Variants in IL1R1 observed in about 807,000 individuals in gnomAD.
The protein encoded by IL1R1 is interleukin 1 receptor type 1, also known as interleukin-1 receptor type 1.
IL1R1 carries 22 observed loss-of-function variants against 50.2 expected under a neutral mutation model. The observed-to-expected ratio is 0.44, with a 90% CI of 0.31 to 0.63. The LOEUF is 0.63. Among genes scored for constraint, IL1R1 ranks in the 20% least tolerant of loss-of-function variants. The probability of loss-of-function intolerance (pLI) is 0.07; values close to 1 mark genes in which losing one functional copy is unlikely to be tolerated. For synonymous variants in IL1R1, 251 were observed against 236.7 expected, an observed-to-expected ratio of 1.06 and a Z score of -0.55; for missense variants, 509 against 676.2, an observed-to-expected ratio of 0.75 and a Z score of 2.74.
rs1402592940 is a variant in IL1R1, at chr2:102,160,582, A to G, written c.61+2797A>G. 2.6e-5 allele frequency among the ~76,000 whole-genome samples: 4 copies of G among 152,124 alleles called. No homozygotes were observed. The East Asian group carries it at 7.7e-4, about 29-fold the overall frequency. ...CCCTTCATGTGAGACTGCTTGACCC[A>G]AGATGGTACCCCACTCACCTCCTTA... On this transcript the variant is annotated intron_variant, in intron 3 of 11. Transcript: ENST00000410023.
intron 1 of IL1R1, among the ~76,000 whole-genome samples, chr2:102,099,354 G>A (rs891334898): frequency 6.6e-6 from 1 of 152,186 alleles, no homozygotes; most frequent in Admixed American, 6.5e-5. Context: ...GCCTTTGTTT[G>A]AGTTCTTCCA....
chr2:102,169,460 T>C (rs1685484188), intron 7 of IL1R1, among the ~76,000 whole-genome samples: 2 of 152,214 alleles, frequency 1.3e-5, no homozygotes, highest in Non-Finnish European at 2.9e-5. Flanking sequence ...ATGTGACAAG[T>C]GACTACTGTA....
At chr2:102,103,990 GAAA>G (rs72041212), upstream of IL1R1, among the ~76,000 whole-genome samples, 597 of 83,946 alleles carry the variant, frequency 7.1e-3, 4 homozygotes, top group African/African-American at 0.027. Flanking sequence ...GACTGTCTCA[GAAA>G]AAAAAAAAAA....
At chr2:102,097,640 T>C (rs1679962851) in intron 1 of IL1R1, among the ~76,000 whole-genome samples, 1 of 151,540 alleles carries the variant, frequency 6.6e-6, no homozygotes, top group South Asian at 2.1e-4. Context: ...AAATTTTAGA[T>C]AAAAAAACAA....
At chr2:102,117,071 G>C (rs1468731960) in intron 1 of IL1R1, among the ~76,000 whole-genome samples, 1 of 152,120 alleles carries the variant, frequency 6.6e-6, no homozygotes, top group African/African-American at 2.4e-5. Flanking sequence ...TTGACGTCTT[G>C]GTTTTAAATA....
upstream of IL1R1, among the ~76,000 whole-genome samples, chr2:102,138,809 TA>T (rs1390580939): frequency 6.6e-6 from 1 of 152,170 alleles, no homozygotes; most frequent in East Asian, 1.9e-4. Flanking sequence ...GGCAGTGCCA[TA>T]AATAACAAAA....
chr2:102,159,655 CTGTGGAGCTCTTGG>C, intron 3 of IL1R1, among the ~76,000 whole-genome samples: 1 of 152,272 alleles, frequency 6.6e-6, no homozygotes, highest in Admixed American at 6.5e-5. Context: ...AGTGCTTTTG[CTGTGGAGCTCTTGG>C]TGAGGTCAAT....
At chr2:102,117,014 T>G (rs895716859) in intron 1 of IL1R1, among the ~76,000 whole-genome samples, 1 of 152,224 alleles carries the variant, frequency 6.6e-6, no homozygotes, top group African/African-American at 2.4e-5. Context: ...AAGGTAACAC[T>G]TAATGACATG....
rs570342386 is a variant in IL1R1 at position 102,071,392 on chromosome 2, T to C, written c.-84+859T>C. On this transcript the variant is annotated intron_variant, in intron 1 of 11. Transcript: ENST00000409929. ...ATGGACATCTATTTGTGGCACTGTA[T>C]ATAGGGCATACTTTCTTGAAAAATC... is the stretch of plus-strand genomic sequence containing the variant. Among the ~76,000 whole-genome samples the C allele has an allele frequency of 3.3e-5, 5 of 152,360 alleles. No homozygotes were observed. In the South Asian group the frequency reaches 6.2e-4, roughly 19 times the overall value.
At chr2:102,077,317 C>T (rs1395550474) in intron 1 of IL1R1, among the ~76,000 whole-genome samples, 1 of 152,146 alleles carries the variant, frequency 6.6e-6, no homozygotes, top group Non-Finnish European at 1.5e-5. Context: ...GTGATCCACC[C>T]ACCTTGGCCT....
chr2:102,077,371 G>A (rs186609597), intron 1 of IL1R1, among the ~76,000 whole-genome samples: 5 of 152,224 alleles, frequency 3.3e-5, no homozygotes, highest in South Asian at 4.2e-4. Context: ...GCACCCGGCC[G>A]AAGTTTACTA....
chr2:102,166,315 T>C (rs577302355), intron 6 of IL1R1, 34 bp downstream of exon 6: 14 of 1,529,702 alleles, frequency 9.2e-6, no homozygotes, highest in Non-Finnish European at 9.0e-6. Context: ...AAGGTTTAGA[T>C]CTGGGAAGGT....
intron 1 of IL1R1, among the ~76,000 whole-genome samples, chr2:102,086,915 C>A (rs1204351781): frequency 2.6e-5 from 4 of 152,072 alleles, no homozygotes; most frequent in Non-Finnish European, 5.9e-5. Context: ...ATGTAGAATT[C>A]CAGTTTTGCA....
intron 1 of IL1R1, among the ~76,000 whole-genome samples, chr2:102,125,298 A>G (rs1301942998): frequency 6.6e-6 from 1 of 152,224 alleles, no homozygotes; most frequent in Non-Finnish European, 1.5e-5. Flanking sequence ...ACAACAAACA[A>G]ACAAACGAAA....
At chr2:102,087,656 C>T (rs1435217258) in intron 1 of IL1R1, among the ~76,000 whole-genome samples, 3 of 152,046 alleles carry the variant, frequency 2.0e-5, no homozygotes, top group Non-Finnish European at 4.4e-5. Context: ...GCATGTTCCC[C>T]CTTGCTCTCT....
At chr2:102,173,510 A>C (rs1054245486) in intron 9 of IL1R1, among the ~76,000 whole-genome samples, 1 of 152,234 alleles carries the variant, frequency 6.6e-6, no homozygotes, top group Non-Finnish European at 1.5e-5. Flanking sequence ...GTAGCATCAA[A>C]AATCATCAAA....
upstream of IL1R1, among the ~76,000 whole-genome samples, chr2:102,101,092 T>A (rs115819532): frequency 0.021 from 3,237 of 152,248 alleles, 71 homozygotes; most frequent in South Asian, 0.12. Context: ...TGTGTTACTG[T>A]CCACACAAGT....
intron 1 of IL1R1, among the ~76,000 whole-genome samples, chr2:102,098,266 T>C (rs559966661): frequency 6.6e-6 from 1 of 152,264 alleles, no homozygotes; most frequent in African/African-American, 2.4e-5. Context: ...ACCTGATAAA[T>C]GATGTCTACT....
intron 1 of IL1R1, among the ~76,000 whole-genome samples, chr2:102,092,010 G>A (rs1679689693): frequency 6.6e-6 from 1 of 152,054 alleles, no homozygotes; most frequent in African/African-American, 2.4e-5. Context: ...ATAACTTAAA[G>A]CTTCATGAGA....
Sources: gnomAD v4.1 joint callset for allele counts (sites outside exome capture counted in the v4.1 genomes callset) on GRCh38, gnomAD v4.1.1 for gene constraint, MANE v1.5 for transcripts, NCBI Gene and HGNC (gene_info 2026-07-23, HGNC 2026-07-21) for gene names.